Variants in TENM3 observed in about 807,000 individuals in gnomAD.
TENM3 encodes teneurin transmembrane protein 3.
A neutral mutation model predicts 255.1 loss-of-function variants in TENM3; 63 were observed. That is an observed-to-expected ratio of 0.25 (90% CI 0.20 to 0.30). The LOEUF (loss-of-function observed/expected upper bound fraction) is 0.30. Ranked by LOEUF, TENM3 falls within the 10% of genes least tolerant of loss-of-function variation. The pLI is 1.00. For synonymous variants in TENM3, 1,306 were observed against 1,322.3 expected, an observed-to-expected ratio of 0.99 and a Z score of 0.27; for missense variants, 2,929 against 3,461.1, an observed-to-expected ratio of 0.85 and a Z score of 3.86.
chr4:181,931,853 A>T, the TENM3 span, among the ~76,000 whole-genome samples: 8 of 152,208 alleles, frequency 5.3e-5, no homozygotes, highest in Non-Finnish European at 1.2e-4. Flanking sequence ...AGGCCTCAGA[A>T]ATAACACAAC....
Position 182,714,196 on chromosome 4 carries a change from G to A in TENM3, c.2331G>A (p.Met777Ile), listed in dbSNP as rs866145822. 1 of 1,613,650 alleles carries A rather than the reference G, an allele frequency of 6.2e-7. No homozygotes were observed. Among genetic ancestry groups the A allele is most frequent in the Non-Finnish European group, 8.5e-7 (1 of 1,179,822 alleles). Residue 777 changes from methionine (M) to isoleucine (I), a missense_variant, in exon 13 of 28, where the codon ATG becomes ATA. Around this residue, in one of 6 missense-constraint regions of TENM3, gnomAD observed 1,608 missense variants for 1,884.4 expected, o/e 0.85. Coordinates refer to ENST00000511685, the MANE Select transcript of TENM3 (RefSeq NM_001080477.4). ...GWRGAGCDVA[M>I]ETLCTDSKDN... Reference sequence around the variant, plus strand: ...GAGGAGCAGGCTGTGACGTAGCCATGGAGACTCTTTGCACAGATAGCAAGG... The same window carrying A: ...GAGGAGCAGGCTGTGACGTAGCCATAGAGACTCTTTGCACAGATAGCAAGG...
At chr4:181,962,447 T>C in the TENM3 span, among the ~76,000 whole-genome samples, 1 of 152,170 alleles carries the variant, frequency 6.6e-6, no homozygotes, top group African/African-American at 2.4e-5. Context: ...TGGTAGCAGT[T>C]TTGGTATTGT....
At chr4:182,765,267 GA>G (rs999784712) in intron 22 of TENM3, among the ~76,000 whole-genome samples, 2 of 152,026 alleles carry the variant, frequency 1.3e-5, no homozygotes, top group African/African-American at 4.8e-5. Flanking sequence ...GTGACAAGTG[GA>G]AAAAAAGAAG....
intron 1 of TENM3, among the ~76,000 whole-genome samples, chr4:182,273,277 G>A (rs1322140188): frequency 1.3e-5 from 2 of 152,202 alleles, no homozygotes; most frequent in African/African-American, 4.8e-5. Flanking sequence ...GTTTGCCTGC[G>A]ATTTCACTAC....
the TENM3 span, among the ~76,000 whole-genome samples, chr4:181,780,007 G>A: frequency 3.9e-5 from 6 of 152,172 alleles, no homozygotes; most frequent in Non-Finnish European, 5.9e-5. Flanking sequence ...TGGTGTATAT[G>A]TGCCACATTT....
At chr4:181,494,398 C>T in the TENM3 span, among the ~76,000 whole-genome samples, 1 of 152,128 alleles carries the variant, frequency 6.6e-6, no homozygotes, top group African/African-American at 2.4e-5. Context: ...GATTCTCCTG[C>T]CTCAGCCTCC....
At chr4:182,699,116 C>T (rs1757651720) in intron 12 of TENM3, among the ~76,000 whole-genome samples, 1 of 152,186 alleles carries the variant, frequency 6.6e-6, no homozygotes. Flanking sequence ...TTTACTTGTG[C>T]AGGAATTTCT....
chr4:181,778,782 T>C, the TENM3 span, among the ~76,000 whole-genome samples: 1 of 152,112 alleles, frequency 6.6e-6, no homozygotes. Flanking sequence ...AGAAGTACCT[T>C]TGCTGCTGGA....
intron 13 of TENM3, among the ~76,000 whole-genome samples, chr4:182,718,178 A>G (rs532338244): frequency 5.2e-4 from 78 of 150,096 alleles, no homozygotes; most frequent in Admixed American, 1.1e-3. Flanking sequence ...ATTACACGTA[A>G]AAAAAAAAAT....
intron 3 of TENM3, among the ~76,000 whole-genome samples, chr4:182,476,775 C>T (rs1733719780): frequency 6.6e-6 from 1 of 152,140 alleles, no homozygotes; most frequent in Non-Finnish European, 1.5e-5. Flanking sequence ...GTTATAAGAA[C>T]TTATTATCGA....
chr4:182,509,826 A>G (rs1168107999), intron 3 of TENM3, among the ~76,000 whole-genome samples: 1 of 151,822 alleles, frequency 6.6e-6, no homozygotes, highest in East Asian at 1.9e-4. Context: ...AATCCCAGCT[A>G]CTTGGGAGGC....
chr4:182,285,507 A>T (rs75489247), intron 1 of TENM3, among the ~76,000 whole-genome samples: 1 of 152,208 alleles, frequency 6.6e-6, no homozygotes, highest in Non-Finnish European at 1.5e-5. Context: ...GTTCTCAGCT[A>T]TCTGGGTAGA....
chr4:182,600,897 CTTTTTTTTTTTT>C lies in TENM3; in HGVS notation c.512-15_512-4del, dbSNP rs548783934. On this transcript the variant is annotated splice_polypyrimidine_tract_variant and intron_variant, in intron 3 of 27. Coordinates refer to ENST00000511685, the MANE Select transcript of TENM3 (RefSeq NM_001080477.4). ...TATATATATATAATGAGTTCTCTTT[CTTTTTTTTTTTT>C]TTTTTTTTTTTCAGAGCAACCTGCA... The C allele has an allele frequency of 4.1e-6, 2 of 492,976 alleles. No individual in the cohort carries two copies. The highest frequency in any genetic ancestry group is 4.4e-5 in the East Asian group (1 of 22,822). The allele number at this position is 492,976 out of a possible 1,614,324, so 30.5% of individuals were successfully genotyped here.
chr4:181,517,055 C>G, the TENM3 span, among the ~76,000 whole-genome samples: 3 of 151,816 alleles, frequency 2.0e-5, no homozygotes, highest in Non-Finnish European at 2.9e-5. Context: ...AAATCCTGGG[C>G]TTATACTCTG....
the TENM3 span, among the ~76,000 whole-genome samples, chr4:181,621,940 G>A: frequency 6.6e-6 from 1 of 152,170 alleles, no homozygotes; most frequent in Non-Finnish European, 1.5e-5. Context: ...TTCAAATCGA[G>A]CCTGTGATAC....
intron 3 of TENM3, among the ~76,000 whole-genome samples, chr4:182,380,321 C>T (rs1422718405): frequency 1.3e-5 from 2 of 151,992 alleles, no homozygotes; most frequent in African/African-American, 2.4e-5. Flanking sequence ...TGCAGCCATT[C>T]CCCTAAGAGC....
chr4:181,519,122 T>TCTGCAG, the TENM3 span, among the ~76,000 whole-genome samples: 1 of 152,132 alleles, frequency 6.6e-6, no homozygotes, highest in African/African-American at 2.4e-5. Flanking sequence ...AGACTGGAAA[T>TCTGCAG]CTGCAGCTGG....
At chr4:182,097,795 G>C in the TENM3 span, among the ~76,000 whole-genome samples, 1 of 152,022 alleles carries the variant, frequency 6.6e-6, no homozygotes, top group Admixed American at 6.6e-5. Context: ...ATTGTCTCTT[G>C]TTTGGTTCCG....
At chr4:181,608,543 C>T in the TENM3 span, among the ~76,000 whole-genome samples, 1 of 151,412 alleles carries the variant, frequency 6.6e-6, no homozygotes, top group Non-Finnish European at 1.5e-5. Context: ...AGAACTAATG[C>T]CTTGGATTGG....
Sources: allele counts gnomAD v4.1 joint callset (sites outside exome capture counted in the v4.1 genomes callset), GRCh38; gene constraint gnomAD v4.1.1; regional missense constraint gnomAD v4.1.1; transcripts MANE v1.5; gene names NCBI Gene and HGNC (gene_info 2026-07-23, HGNC 2026-07-21).